SAMTOR: variants seen among roughly 807,000 people sequenced by gnomAD.
SAMTOR encodes the protein UPF0532 protein C7orf60.
the SAMTOR span, among the ~76,000 whole-genome samples, chr7:112,872,428 A>G: frequency 4.6e-5 from 7 of 152,288 alleles, no homozygotes; most frequent in Middle Eastern, 3.4e-3. Context: ...TTCCTTCATG[A>G]TAAAAATCCT....
chr7:112,861,050 G>A, the SAMTOR span, among the ~76,000 whole-genome samples: 1 of 151,614 alleles, frequency 6.6e-6, no homozygotes, highest in African/African-American at 2.4e-5. Flanking sequence ...AAAGGCTAAC[G>A]TAAATACAGA....
the SAMTOR span, among the ~76,000 whole-genome samples, chr7:112,921,758 A>T: frequency 8.1e-5 from 1 of 12,318 alleles, no homozygotes. Context: ...CAAGAAAAAA[A>T]CAAACAACCC....
the SAMTOR span, among the ~76,000 whole-genome samples, chr7:112,863,242 T>A: frequency 6.6e-6 from 1 of 152,186 alleles, no homozygotes. Context: ...AGTCAGAAGT[T>A]TGAAACTGGA....
At chr7:112,935,301 A>G in the SAMTOR span, 1 of 380,668 alleles carries the variant, frequency 2.6e-6, no homozygotes, top group Non-Finnish European at 5.1e-6. Flanking sequence ...AATTAAAAGG[A>G]GTCTCATTCT....
the SAMTOR span, among the ~76,000 whole-genome samples, chr7:112,831,174 T>C: frequency 6.6e-6 from 1 of 152,198 alleles, no homozygotes; most frequent in East Asian, 1.9e-4. Context: ...TTTGTAACTA[T>C]TTAAATGCAT....
At chr7:112,939,628 C>T in the SAMTOR span, 1 of 1,614,028 alleles carries the variant, frequency 6.2e-7, no homozygotes. Flanking sequence ...GGTGGACGCT[C>T]TTCACCACAC....
At chr7:112,915,892 A>G in the SAMTOR span, among the ~76,000 whole-genome samples, 577 of 152,304 alleles carry the variant, frequency 3.8e-3, 23 homozygotes, top group South Asian at 0.076. Context: ...TACAAACACT[A>G]AACCTGCTTC....
chr7:112,856,900 G>T, the SAMTOR span, among the ~76,000 whole-genome samples: 2 of 152,008 alleles, frequency 1.3e-5, no homozygotes, highest in Non-Finnish European at 2.9e-5. Context: ...GATAGCTTCA[G>T]CTCCATCTAT....
At chr7:112,916,230 T>C in the SAMTOR span, among the ~76,000 whole-genome samples, 1 of 152,136 alleles carries the variant, frequency 6.6e-6, no homozygotes, top group African/African-American at 2.4e-5. Flanking sequence ...AAATCAGTCA[T>C]CACAATATGA....
chr7:112,876,230 A>T, the SAMTOR span, among the ~76,000 whole-genome samples: 104 of 152,216 alleles, frequency 6.8e-4, 1 homozygote, highest in Admixed American at 1.5e-3. Context: ...AAAGTGCTAG[A>T]ATTACAGGCA....
the SAMTOR span, among the ~76,000 whole-genome samples, chr7:112,901,820 A>C: frequency 2.0e-5 from 3 of 152,382 alleles, no homozygotes; most frequent in Non-Finnish European, 4.4e-5. Context: ...TCAAGTGCTG[A>C]TGAGAATGCA....
the SAMTOR span, among the ~76,000 whole-genome samples, chr7:112,834,757 T>G: frequency 6.6e-6 from 1 of 152,100 alleles, no homozygotes. Context: ...CTCCTCCTCC[T>G]GATGTACGGT....
chr7:112,915,293 T>C, the SAMTOR span: 86 of 1,590,942 alleles, frequency 5.4e-5, no homozygotes, highest in Non-Finnish European at 6.7e-5. Flanking sequence ...CGTTAATTCA[T>C]AAAAGTACTT....
At chr7:112,928,679 TAGC>T in the SAMTOR span, among the ~76,000 whole-genome samples, 3 of 152,074 alleles carry the variant, frequency 2.0e-5, no homozygotes, top group African/African-American at 7.2e-5. Context: ...TTTCAATAAA[TAGC>T]AGTCACTCAA....
the SAMTOR span, among the ~76,000 whole-genome samples, chr7:112,903,975 G>C: frequency 1.2e-4 from 18 of 151,762 alleles, no homozygotes; most frequent in African/African-American, 4.4e-4. Flanking sequence ...AAAAAAAAGC[G>C]GGTACTTTAA....
chr7:112,834,819 C>T, the SAMTOR span, among the ~76,000 whole-genome samples: 7 of 152,156 alleles, frequency 4.6e-5, no homozygotes, highest in African/African-American at 1.7e-4. Context: ...TGTGATTCAC[C>T]TCACTCCATC....
the SAMTOR span, among the ~76,000 whole-genome samples, chr7:112,929,576 A>ACCTT: frequency 6.6e-6 from 1 of 152,054 alleles, no homozygotes; most frequent in East Asian, 1.9e-4. Flanking sequence ...CAATCCCACT[A>ACCTT]TGGGTATTTA....
chr7:112,874,795 C>A, the SAMTOR span, among the ~76,000 whole-genome samples: 3 of 152,104 alleles, frequency 2.0e-5, no homozygotes, highest in Non-Finnish European at 4.4e-5. Flanking sequence ...TACAGTAACA[C>A]TCAGCAAATA....
chr7:112,899,132 A>G, the SAMTOR span, among the ~76,000 whole-genome samples: 1 of 152,168 alleles, frequency 6.6e-6, no homozygotes, highest in East Asian at 1.9e-4. Context: ...TAGTACAGAT[A>G]TATGACTTCT....
Sources: allele counts gnomAD v4.1 joint callset (sites outside exome capture counted in the v4.1 genomes callset), GRCh38; gene constraint gnomAD v4.1.1; transcripts MANE v1.5; gene names NCBI Gene and HGNC (gene_info 2026-07-23, HGNC 2026-07-21).